The following FAM83G variants were observed in gnomAD, a reference collection of about 807,000 sequenced individuals.
FAM83G encodes the protein scaffolding CK1 anchoring protein G.
In FAM83G, 38 loss-of-function variants were observed where a neutral mutation model predicts 61.5. That is an observed-to-expected ratio of 0.62 (90% CI 0.48 to 0.81). The LOEUF (loss-of-function observed/expected upper bound fraction) is 0.81. FAM83G is among the 30% of genes least tolerant of loss of function. FAM83G has a pLI of 0.00. For synonymous variants in FAM83G, 470 were observed against 476.1 expected (o/e 0.99, Z 0.17); for missense variants, 989 against 1,133.6 (o/e 0.87, Z 1.83).
chr17:19,001,009 C>G (rs1413832206), intron 2 of FAM83G, among the ~76,000 whole-genome samples: 1 of 152,162 alleles, frequency 6.6e-6, no homozygotes, highest in Non-Finnish European at 1.5e-5. Context: ...AAGGGATAGC[C>G]TAGAGTTTGA....
In FAM83G at chr17:18,969,078, T is replaced by G; in HGVS notation, c.*2281A>C. The G allele has an allele frequency of 6.2e-7, 1 of 1,614,038 alleles. No homozygotes were observed. The highest frequency in any genetic ancestry group is 8.5e-7 in the Non-Finnish European group (1 of 1,179,962). ...TGGACCTGTACGCGGGGGCTCTGTT[T>G]GTGCACATCTGCCTGGGCTGGAACT... On this transcript the variant is annotated 3_prime_UTR_variant, in exon 6 of 6. Transcript: ENST00000388995.
rs551838420 is a variant in FAM83G at position 18,983,191 on chromosome 17, A to C, written c.691-3518T>G. Among the ~76,000 whole-genome samples the C allele has an allele frequency of 9.8e-5, 15 of 152,338 alleles. No homozygotes were observed. In the South Asian group the frequency reaches 2.9e-3, roughly 29 times the overall value. ...GTAGCCCTGGGCTGGGCCGGGACTG[A>C]GGACAGGGCTCTTTCATCACCCACC... is the stretch of plus-strand genomic sequence containing the variant. On this transcript the variant is annotated intron_variant, in intron 3 of 5. Transcript: ENST00000388995.
In FAM83G at chr17:19,000,756, C is replaced by A. The variant is rs558228631; in HGVS notation, c.522+2764G>T. Among the ~76,000 whole-genome samples, 1 of 152,264 alleles carries A rather than the reference C, an allele frequency of 6.6e-6. No homozygotes were observed. The highest frequency in any genetic ancestry group is 1.5e-5 in the Non-Finnish European group (1 of 67,988). On this transcript the variant is annotated intron_variant, in intron 2 of 5. Coordinates refer to ENST00000388995, the MANE Select transcript of FAM83G (RefSeq NM_001039999.3). This position sits in a 1 kb window ranked among gnomAD's most constrained non-coding sequence, Gnocchi z 5.2. ...CAGGCAGAGTTCTCCCTACACAATA[C>A]CAGAGTGAGAAGGGGAGGTGGAAGC...
Position 18,977,964 on chromosome 17 carries a change from G to A in FAM83G, c.1702C>T (p.Leu568Phe), listed in dbSNP as rs775468730. The change falls in exon 5 of 6, where the codon CTC becomes TTC. Residue 568 changes from leucine (L) to phenylalanine (F), a missense_variant. By Grantham distance (22) the Leu-to-Phe change is conservative. Coordinates refer to ENST00000388995, the MANE Select transcript of FAM83G (RefSeq NM_001039999.3). ...LSVTQDDPESLGVGLPNGLDG... is the reference protein window; with the variant it reads ...LSVTQDDPESFGVGLPNGLDG... ...AGCCCATTGGGGAGCCCCACCCCGA[G>A]GCTCTCGGGGTCATCCTGGGTCACA... 6 of 1,592,796 alleles carry A rather than the reference G, an allele frequency of 3.8e-6. No homozygotes were observed. In the South Asian group the frequency reaches 5.6e-5, roughly 15 times the overall value.
intron 3 of FAM83G, among the ~76,000 whole-genome samples, chr17:18,981,002 G>A (rs2043117590): frequency 6.6e-6 from 1 of 152,154 alleles, no homozygotes; most frequent in South Asian, 2.1e-4. Flanking sequence ...GTGACGTACT[G>A]GTCTGTCCCC....
intron 3 of FAM83G, among the ~76,000 whole-genome samples, chr17:18,981,206 C>T (rs1212532072): frequency 1.3e-5 from 2 of 152,058 alleles, no homozygotes; most frequent in Non-Finnish European, 2.9e-5. Context: ...GAAGGGCTGG[C>T]CGGGAGGCTC....
intron 4 of FAM83G, 197 bp from the exon 5 acceptor site, chr17:18,979,047 A>T: frequency 1.6e-6 from 1 of 622,386 alleles, no homozygotes; most frequent in Non-Finnish European, 2.8e-6. Context: ...CACCAAGCCC[A>T]TTCCCACCTC....
At chr17:19,001,280 A>G (rs1032604726) in intron 2 of FAM83G, among the ~76,000 whole-genome samples, 15 of 152,096 alleles carry the variant, frequency 9.9e-5, no homozygotes, top group Non-Finnish European at 2.1e-4. Context: ...GCTCACCACA[A>G]TGCTGTGGAG....
chr17:19,003,326 C>G lies in FAM83G; in HGVS notation c.522+194G>C, dbSNP rs1295744834. On this transcript the variant is annotated intron_variant, in intron 2 of 5. Transcript: ENST00000388995. This position sits in a 1 kb window ranked among gnomAD's most constrained non-coding sequence, Gnocchi z 4.5. ...CTGTCACCTGCTAGGACCTGGGAACCCTACCCTGCAAAGAAACTGCGGATC... is the reference window on the plus strand; with the variant it reads ...CTGTCACCTGCTAGGACCTGGGAACGCTACCCTGCAAAGAAACTGCGGATC... 6.6e-6 allele frequency among the ~76,000 whole-genome samples: 1 copy of G among 151,996 alleles called. No individual in the cohort carries two copies. Among genetic ancestry groups the G allele is most frequent in the South Asian group, 2.1e-4 (1 of 4,802 alleles).
intron 3 of FAM83G, among the ~76,000 whole-genome samples, chr17:18,981,945 G>A (rs1019019094): frequency 2.6e-5 from 4 of 152,142 alleles, no homozygotes; most frequent in Non-Finnish European, 4.4e-5. Context: ...GAGCCCAACC[G>A]AGCCCAGCTC....
intron 5 of FAM83G, among the ~76,000 whole-genome samples, chr17:18,975,535 C>CA (rs1567788332): frequency 2.0e-5 from 3 of 150,938 alleles, no homozygotes; most frequent in African/African-American, 4.9e-5. Flanking sequence ...ACTAAAAATA[C>CA]AAAAAAAAAT....
intron 3 of FAM83G, among the ~76,000 whole-genome samples, chr17:18,980,466 C>T (rs941589284): frequency 3.3e-5 from 5 of 152,142 alleles, no homozygotes; most frequent in African/African-American, 1.2e-4. Flanking sequence ...CCCTCAACTG[C>T]CTCAGCTCCA....
At chr17:18,985,152 G>A (rs2043238003) in intron 3 of FAM83G, among the ~76,000 whole-genome samples, 1 of 152,238 alleles carries the variant, frequency 6.6e-6, no homozygotes, top group African/African-American at 2.4e-5. Context: ...GTCTCATGGC[G>A]GGGCTGTGCC....
intron 2 of FAM83G, among the ~76,000 whole-genome samples, chr17:18,998,971 C>T (rs1043403539): frequency 2.0e-5 from 3 of 152,180 alleles, no homozygotes; most frequent in Non-Finnish European, 4.4e-5. Context: ...ATTTAGCTGC[C>T]AAGGAGCCTC....
chr17:18,979,855 A>C (rs1759015359), intron 3 of FAM83G, among the ~76,000 whole-genome samples, 182 bp from the exon 4 acceptor site: 1 of 152,114 alleles, frequency 6.6e-6, no homozygotes, highest in Non-Finnish European at 1.5e-5. Flanking sequence ...CAGGGTAAGG[A>C]GGGAGCTGCT....
chr17:19,005,522 C>T (rs895572182), upstream of FAM83G, among the ~76,000 whole-genome samples: 1 of 152,162 alleles, frequency 6.6e-6, no homozygotes, highest in African/African-American at 2.4e-5. Flanking sequence ...CCAGTCTGCC[C>T]GGCACCAGGC....
intron 3 of FAM83G, among the ~76,000 whole-genome samples, chr17:18,986,913 G>C (rs899205576): frequency 1.3e-5 from 2 of 152,244 alleles, no homozygotes; most frequent in South Asian, 2.1e-4. Flanking sequence ...TCTGCCACTG[G>C]AATCGATTCC....
chr17:18,984,502 C>T (rs1271349602), intron 3 of FAM83G, among the ~76,000 whole-genome samples: 11 of 152,346 alleles, frequency 7.2e-5, no homozygotes, highest in Non-Finnish European at 1.2e-4. Context: ...TGAGCGGCAG[C>T]GATCCTCACT....
chr17:19,005,478 C>A (rs1403002594), upstream of FAM83G, among the ~76,000 whole-genome samples: 2 of 152,170 alleles, frequency 1.3e-5, no homozygotes, highest in Non-Finnish European at 2.9e-5. Flanking sequence ...AAATCTGGCC[C>A]AACAAACAGC....
Sources: allele counts gnomAD v4.1 joint callset (sites outside exome capture counted in the v4.1 genomes callset), GRCh38; gene constraint gnomAD v4.1.1; non-coding constraint Gnocchi (gnomAD v3.1); transcripts MANE v1.5; gene names NCBI Gene and HGNC (gene_info 2026-07-23, HGNC 2026-07-21).